SNX29: variants seen among roughly 807,000 people sequenced by gnomAD.
SNX29 encodes the protein sorting nexin 29.
SNX29 carries 78 observed loss-of-function variants against 102.1 expected under a neutral mutation model. The observed-to-expected ratio is 0.76, with a 90% confidence interval of 0.64 to 0.92. The LOEUF is 0.92. Ranked by LOEUF, SNX29 falls within the 40% of genes least tolerant of loss-of-function variation. The pLI, the probability that SNX29 is intolerant of heterozygous loss-of-function variation, is 0.00. For synonymous variants in SNX29, 580 were observed against 414.5 expected, an observed-to-expected ratio of 1.40 and a Z score of -4.85; for missense variants, 1,280 against 1,061.7, an observed-to-expected ratio of 1.21 and a Z score of -2.86.
At chr16:12,545,148 G>C (rs954703091) in intron 20 of SNX29, among the ~76,000 whole-genome samples, 7 of 152,166 alleles carry the variant, frequency 4.6e-5, no homozygotes, top group African/African-American at 1.7e-4. Context: ...CAGCTATGAA[G>C]TACAGACACT....
intron 18 of SNX29, among the ~76,000 whole-genome samples, chr16:12,473,249 A>C (rs1054911613): frequency 5.9e-5 from 9 of 152,244 alleles, no homozygotes; most frequent in Non-Finnish European, 1.3e-4. Context: ...TGGATGTTTG[A>C]AGCACTGTTG....
chr16:12,446,790 ATGGCCGTTATTCACC>A (rs2086074640), intron 18 of SNX29, among the ~76,000 whole-genome samples: 2 of 152,262 alleles, frequency 1.3e-5, no homozygotes, highest in Admixed American at 1.3e-4. Context: ...TCAATATGAA[ATGGCCGTTATTCACC>A]TGTTTTATTA....
At chr16:12,467,225 C>A (rs1480026840) in intron 18 of SNX29, among the ~76,000 whole-genome samples, 1 of 152,190 alleles carries the variant, frequency 6.6e-6, no homozygotes, top group East Asian at 1.9e-4. Context: ...CAACCATGGT[C>A]CATGGCCAGT....
chr16:12,352,746 G>A (rs1053191144), intron 15 of SNX29, among the ~76,000 whole-genome samples: 3 of 152,322 alleles, frequency 2.0e-5, no homozygotes, highest in Non-Finnish European at 4.4e-5. Context: ...CTGGTCCTCT[G>A]TCCCTTGCTG....
intron 14 of SNX29, among the ~76,000 whole-genome samples, chr16:12,219,258 CTTT>C (rs111884811): frequency 3.5e-5 from 5 of 144,034 alleles, no homozygotes; most frequent in African/African-American, 7.6e-5. Flanking sequence ...TCTACATCAT[CTTT>C]TTTTTTTTTT....
intron 15 of SNX29, among the ~76,000 whole-genome samples, chr16:12,342,288 T>G (rs1037580557): frequency 1.3e-5 from 2 of 151,994 alleles, no homozygotes; most frequent in African/African-American, 2.4e-5. Context: ...AGGGCAAGAG[T>G]GTATGCTTGG....
At chr16:12,260,104 A>G (rs1014852636) in intron 14 of SNX29, among the ~76,000 whole-genome samples, 3 of 152,136 alleles carry the variant, frequency 2.0e-5, no homozygotes, top group East Asian at 3.8e-4. Context: ...ACCTGACCCT[A>G]TGGCATTCTT....
intron 20 of SNX29, among the ~76,000 whole-genome samples, chr16:12,563,151 CA>C (rs1224675656): frequency 6.6e-5 from 10 of 151,814 alleles, no homozygotes; most frequent in Non-Finnish European, 1.5e-5. Flanking sequence ...ATCCCAGCTC[CA>C]GGGGGGGCAA....
chr16:12,503,412 G>A (rs3865114), intron 19 of SNX29, among the ~76,000 whole-genome samples: 20,553 of 152,158 alleles, frequency 0.14, 1,472 homozygotes, highest in East Asian at 0.25. Flanking sequence ...AGATAAGCCC[G>A]TGCACTGAGA....
At chr16:12,541,600 A>T (rs1200121574) in intron 20 of SNX29, among the ~76,000 whole-genome samples, 1 of 152,162 alleles carries the variant, frequency 6.6e-6, no homozygotes, top group Middle Eastern at 3.2e-3. Flanking sequence ...CCCTGAGGTC[A>T]CACTCTGGGC....
At chr16:12,378,691 G>C (rs557248313) in intron 16 of SNX29, among the ~76,000 whole-genome samples, 2 of 152,150 alleles carry the variant, frequency 1.3e-5, no homozygotes, top group South Asian at 4.2e-4. Context: ...GGAGGGAGCA[G>C]GCATGCCAAC....
intron 14 of SNX29, among the ~76,000 whole-genome samples, chr16:12,264,717 G>A (rs970783202): frequency 2.0e-5 from 3 of 151,852 alleles, no homozygotes; most frequent in Non-Finnish European, 4.4e-5. Flanking sequence ...GGGAGGCATA[G>A]GTTGCAGTGA....
At chr16:12,273,504 G>C (rs61173910) in intron 14 of SNX29, among the ~76,000 whole-genome samples, 4,457 of 151,698 alleles carry the variant, frequency 0.029, 197 homozygotes, top group African/African-American at 0.1. Context: ...GGTTACAGGC[G>C]CACACCACCA....
intron 20 of SNX29, among the ~76,000 whole-genome samples, chr16:12,540,026 ATT>A (rs2077257341): frequency 6.6e-6 from 1 of 152,064 alleles, no homozygotes; most frequent in African/African-American, 2.4e-5. Context: ...CACCTTTTTA[ATT>A]TTGATGAAAT....
chr16:12,218,859 C>T (rs1038481451), intron 14 of SNX29, among the ~76,000 whole-genome samples: 5 of 152,150 alleles, frequency 3.3e-5, no homozygotes, highest in African/African-American at 9.7e-5. Context: ...ACTGCAAGCT[C>T]CACCTGCCGG....
chr16:12,468,208 A>ACT (rs56765649), intron 18 of SNX29, among the ~76,000 whole-genome samples: 75,497 of 107,500 alleles, frequency 0.7, 25,747 homozygotes, highest in African/African-American at 0.85. Context: ...GGGGAGTTTT[A>ACT]CTGTTTCCCA....
intron 11 of SNX29, among the ~76,000 whole-genome samples, chr16:12,124,374 A>T (rs150117502): frequency 0.015 from 2,200 of 149,956 alleles, 22 homozygotes; most frequent in Non-Finnish European, 0.023. Context: ...AAAAAAACTG[A>T]TATTCTTTCT....
chr16:12,063,529 CA>C (rs1358651674), intron 9 of SNX29, among the ~76,000 whole-genome samples: 1 of 151,964 alleles, frequency 6.6e-6, no homozygotes. Context: ...CATGCACCAC[CA>C]TGCCCGGCTA....
chr16:12,191,071 A>G (rs1258590508), intron 13 of SNX29, among the ~76,000 whole-genome samples: 4 of 152,150 alleles, frequency 2.6e-5, no homozygotes, highest in Non-Finnish European at 5.9e-5. Context: ...GGTTGGTGGA[A>G]TGGTTTTGGG....
Sources: gnomAD v4.1 joint callset for allele counts (sites outside exome capture counted in the v4.1 genomes callset) on GRCh38, gnomAD v4.1.1 for gene constraint, MANE v1.5 for transcripts, NCBI Gene and HGNC (gene_info 2026-07-23, HGNC 2026-07-21) for gene names.